PEX7: variants seen among roughly 807,000 people sequenced by gnomAD.
PEX7 encodes PTS2 receptor.
PEX7 carries 34 observed loss-of-function variants against 47.5 expected under a neutral mutation model. That is an observed-to-expected ratio of 0.72 (90% CI 0.54 to 0.95). The LOEUF (loss-of-function observed/expected upper bound fraction) is 0.95. Among genes scored for constraint, PEX7 ranks in the 40% least tolerant of loss-of-function variants. The probability of loss-of-function intolerance (pLI) is 0.00; values close to 1 mark genes in which losing one functional copy is unlikely to be tolerated. For missense variants in PEX7, 394 were observed against 400.3 expected, an observed-to-expected ratio of 0.98 and a Z score of 0.13; for synonymous variants, 141 against 148.8, an observed-to-expected ratio of 0.95 and a Z score of 0.38.
rs199624608 is a variant in PEX7 at position 136,870,021 on chromosome 6, CTTTTA to C, written c.747+20_747+24del. ...GGGTGAAAGTAAGTTTTCATCTTTTCTTTTATATGTAGAATAAAATTATATAAATA... is the reference window on the plus strand; with the variant it reads ...GGGTGAAAGTAAGTTTTCATCTTTTCTATGTAGAATAAAATTATATAAATA... On this transcript the variant is annotated intron_variant, in intron 7 of 9. Coordinates refer to ENST00000318471, the MANE Select transcript of PEX7 (RefSeq NM_000288.4). 3.0e-3 allele frequency: 4,216 copies of C among 1,404,806 alleles called. 196 individuals carry two copies. In the Admixed American group the frequency reaches 0.067, roughly 22 times the overall value. 87.0% of individuals were successfully genotyped at this position (1,404,806 alleles called of 1,614,324 possible).
At chr6:136,876,797 A>G (rs1441416010) in intron 8 of PEX7, among the ~76,000 whole-genome samples, 2 of 152,146 alleles carry the variant, frequency 1.3e-5, no homozygotes, top group Admixed American at 6.5e-5. Flanking sequence ...TGCAATAAAC[A>G]TATGTGTGCA....
chr6:136,906,011 A>G (rs1775839187), intron 9 of PEX7, among the ~76,000 whole-genome samples: 1 of 152,182 alleles, frequency 6.6e-6, no homozygotes, highest in African/African-American at 2.4e-5. Context: ...ATAAGCACTT[A>G]TTTGTACCTT....
At chr6:136,838,126 T>G (rs1056350427) in intron 3 of PEX7, among the ~76,000 whole-genome samples, 4 of 152,172 alleles carry the variant, frequency 2.6e-5, no homozygotes, top group African/African-American at 9.7e-5. Context: ...AAATAATGAT[T>G]AGGCAGGGAT....
chr6:136,824,714 T>G (rs1376238810), intron 1 of PEX7, among the ~76,000 whole-genome samples: 1 of 152,260 alleles, frequency 6.6e-6, no homozygotes, highest in Non-Finnish European at 1.5e-5. Flanking sequence ...CCACCAGTTA[T>G]GTAGTAAATC....
At chr6:136,850,017 C>G (rs1285925415) in intron 5 of PEX7, among the ~76,000 whole-genome samples, 2 of 151,992 alleles carry the variant, frequency 1.3e-5, no homozygotes, top group Admixed American at 6.6e-5. Context: ...TAAGGACTTG[C>G]TTTATGAATC....
At chr6:136,910,462 G>A (rs1775915676) in intron 9 of PEX7, among the ~76,000 whole-genome samples, 1 of 152,212 alleles carries the variant, frequency 6.6e-6, no homozygotes, top group Non-Finnish European at 1.5e-5. Context: ...GATCAGTAAA[G>A]GAACAAGAGC....
At chr6:136,875,897 T>G (rs1433754296) in intron 8 of PEX7, among the ~76,000 whole-genome samples, 1 of 152,224 alleles carries the variant, frequency 6.6e-6, no homozygotes, top group Non-Finnish European at 1.5e-5. Context: ...TATCCTTCTT[T>G]GTCACAGTTA....
At chr6:136,845,500 A>C (rs1774578904) in intron 3 of PEX7, 115 bp from the exon 4 acceptor site, 2 of 732,952 alleles carry the variant, frequency 2.7e-6, no homozygotes, top group South Asian at 2.9e-5. Context: ...GAATTATTTG[A>C]TGTTTTGACA....
At chr6:136,892,639 C>G (rs1775576644) in intron 8 of PEX7, among the ~76,000 whole-genome samples, 1 of 152,122 alleles carries the variant, frequency 6.6e-6, no homozygotes, top group African/African-American at 2.4e-5. Flanking sequence ...GTGGCAGACA[C>G]TTTTATACAT....
At chr6:136,913,224 A>G (rs1465046329) in intron 9 of PEX7, among the ~76,000 whole-genome samples, 1 of 152,232 alleles carries the variant, frequency 6.6e-6, no homozygotes, top group Non-Finnish European at 1.5e-5. Context: ...GTCAATTGAA[A>G]TATACCAATT....
chr6:136,888,072 T>C (rs1775497591), intron 8 of PEX7, among the ~76,000 whole-genome samples: 1 of 152,052 alleles, frequency 6.6e-6, no homozygotes, highest in Admixed American at 6.6e-5. Context: ...TTCTCTTTCT[T>C]CCCCTTCCCC....
rs180746486 is a variant in PEX7 at position 136,837,506 on chromosome 6, T to C, written c.340-8109T>C. On this transcript the variant is annotated intron_variant, in intron 3 of 9. Transcript: ENST00000318471. ...TCTCTGTCTAAAAAAAGTACATATT[T>C]CTTTGTTTTTTGCACAGTAAAGATT... Among the ~76,000 whole-genome samples, 665 of 152,284 alleles carry C rather than the reference T, an allele frequency of 4.4e-3. 4 individuals carry two copies. The highest frequency in any genetic ancestry group is 0.015 in the African/African-American group (627 of 41,570).
chr6:136,837,849 C>T (rs1215505440), intron 3 of PEX7, among the ~76,000 whole-genome samples: 1 of 151,188 alleles, frequency 6.6e-6, no homozygotes, highest in Non-Finnish European at 1.5e-5. Flanking sequence ...CACACACGTA[C>T]ATGTATTTTC....
chr6:136,855,514 A>G (rs749455220), intron 5 of PEX7, among the ~76,000 whole-genome samples: 7 of 151,824 alleles, frequency 4.6e-5, no homozygotes, highest in Non-Finnish European at 1.0e-4. Context: ...TAATTTTTGT[A>G]TTTTTAGTAG....
chr6:136,847,808 G>A (rs985115039), intron 5 of PEX7, among the ~76,000 whole-genome samples: 1 of 152,138 alleles, frequency 6.6e-6, no homozygotes, highest in Admixed American at 6.5e-5. Context: ...TTTTGGCCTA[G>A]GATTGTCTTG....
intron 5 of PEX7, chr6:136,855,770 G>T: frequency 2.6e-6 from 1 of 388,234 alleles, no homozygotes; most frequent in South Asian, 2.2e-5. Context: ...AGGATATTTC[G>T]TTTGCCCCAC....
chr6:136,900,879 A>G lies in PEX7; in HGVS notation c.903+2638A>G, dbSNP rs1775742105. The G allele has an allele frequency of 4.1e-6, 1 of 246,838 alleles. No homozygotes were observed. The highest frequency in any genetic ancestry group is 7.9e-6 in the Non-Finnish European group (1 of 126,566). The allele number at this position is 246,838 out of a possible 1,614,324, so 15.3% of individuals were successfully genotyped here. On this transcript the variant is annotated intron_variant, in intron 9 of 9. Transcript: ENST00000318471. This position sits in a 1 kb window ranked among gnomAD's most constrained non-coding sequence, Gnocchi z 4.2. ...TCTGGTCTGTATTATGGGCCAGCTT[A>G]TGTAGTTGAGTAGCTGTTTGGTGGT...
chr6:136,855,343 C>T (rs1395743818), intron 5 of PEX7, among the ~76,000 whole-genome samples: 2 of 146,954 alleles, frequency 1.4e-5, no homozygotes, highest in African/African-American at 5.2e-5. Context: ...TCTTTTTCTT[C>T]TTCCTTTTTT....
At chr6:136,842,085 A>T (rs546446749) in intron 3 of PEX7, among the ~76,000 whole-genome samples, 1 of 145,410 alleles carries the variant, frequency 6.9e-6, no homozygotes, top group African/African-American at 2.6e-5. Flanking sequence ...TACAACCTCC[A>T]CCTCCTGGGA....
Sources: allele counts gnomAD v4.1 joint callset (sites outside exome capture counted in the v4.1 genomes callset), GRCh38; gene constraint gnomAD v4.1.1; non-coding constraint Gnocchi (gnomAD v3.1); transcripts MANE v1.5; gene names NCBI Gene and HGNC (gene_info 2026-07-23, HGNC 2026-07-21).